RPGR: variants seen among roughly 807,000 people sequenced by gnomAD.
The protein encoded by RPGR is X-linked retinitis pigmentosa GTPase regulator.
Under a neutral mutation model 56.3 loss-of-function variants are expected in RPGR, and 10 were observed. That is an observed-to-expected ratio of 0.18 (90% CI 0.11 to 0.30). The LOEUF is 0.30. Among genes scored for constraint, RPGR ranks in the 10% least tolerant of loss-of-function variants. The probability of loss-of-function intolerance (pLI) is 1.00; values close to 1 mark genes in which losing one functional copy is unlikely to be tolerated. For missense variants in RPGR, 538 were observed against 590.9 expected (o/e 0.91, Z 0.93); for synonymous variants, 197 against 212.9 (o/e 0.93, Z 0.65).
rs376555673 is a variant in RPGR at position 38,318,800 on chromosome X, T to C, written c.469+29A>G. ...TATTGATCTACAGGAAAGGAATGTG[T>C]CCCAGACTGAAAAAGAAACAAGTCT... On this transcript the variant is annotated intron_variant, in intron 5 of 18. Coordinates refer to ENST00000642395, the MANE Select transcript of RPGR (RefSeq NM_000328.3). 3.5e-5 allele frequency: 42 copies of C among 1,205,756 alleles called. No homozygotes were observed. The East Asian group carries it at 6.5e-4, about 19-fold the overall frequency.
chrX:38,302,149 T>C (rs1041612217), intron 8 of RPGR, among the ~76,000 whole-genome samples: 4 of 112,032 alleles, frequency 3.6e-5, no homozygotes, highest in Non-Finnish European at 7.5e-5. Flanking sequence ...GTTAGTCCTT[T>C]TGCTTACTGC....
Position 38,287,880 on chromosome X carries a change from T to C in RPGR, c.1734A>G (p.Ala578=), listed in dbSNP as rs772015036. 3.3e-6 allele frequency: 4 copies of C among 1,209,115 alleles called. No individual in the cohort carries two copies. In the East Asian group the frequency reaches 1.2e-4, roughly 36 times the overall value. Reference sequence around the variant, plus strand: ...CATTACCTACTTCCTCATCTGAAAATGCTTCGATAGTCGTAGCTGGCTGCG... The same window carrying C: ...CATTACCTACTTCCTCATCTGAAAACGCTTCGATAGTCGTAGCTGGCTGCG... The change falls in exon 14 of 19, where the codon GCA becomes GCG. Residue 578 remains alanine (A), a synonymous_variant. Transcript: ENST00000642395.
intron 7 of RPGR, 141 bp from the exon 8 acceptor site, chrX:38,304,931 A>G (rs1320113248): frequency 1.2e-5 from 6 of 509,971 alleles, no homozygotes; most frequent in Non-Finnish European, 1.7e-5. Flanking sequence ...AAGAATACTT[A>G]ATATTGAAGT....
chrX:38,289,037 C>T (rs1272537341), intron 13 of RPGR, among the ~76,000 whole-genome samples: 2 of 111,022 alleles, frequency 1.8e-5, no homozygotes, highest in East Asian at 2.8e-4. Flanking sequence ...CCATCTTGGC[C>T]GCCCAAAGTG....
intron 6 of RPGR, among the ~76,000 whole-genome samples, chrX:38,314,364 A>G (rs1274065418): frequency 1.8e-5 from 2 of 111,824 alleles, no homozygotes; most frequent in African/African-American, 6.5e-5. Flanking sequence ...ACTTAGGCCT[A>G]TTAATTTTTA....
intron 15 of RPGR, chrX:38,286,755 TTCC>T: frequency 8.6e-7 from 1 of 1,156,942 alleles, no homozygotes; most frequent in Non-Finnish European, 1.2e-6. Context: ...CCTTCTCTTC[TTCC>T]TCTTCTCTGT....
intron 10 of RPGR, chrX:38,298,227 G>A (rs187833443): frequency 5.1e-4 from 107 of 211,690 alleles, no homozygotes; most frequent in Non-Finnish European, 7.8e-4. Context: ...CCAAGATTGC[G>A]CCACTGCACC....
In RPGR at chrX:38,308,700, G is replaced by A. The variant is rs191242580; in HGVS notation, c.778+1915C>T. 6.3e-3 allele frequency among the ~76,000 whole-genome samples: 694 copies of A among 110,649 alleles called. 5 individuals carry two copies. Among genetic ancestry groups the A allele is most frequent in the African/African-American group, 0.021 (648 of 30,519 alleles). ...AAAGTTTAATTTTTAGAATATTTTC[G>A]AAATTATATAAAATTCACTTTTTCA... On this transcript the variant is annotated intron_variant, in intron 7 of 18. Transcript: ENST00000642395.
chrX:38,271,936 T>G (rs929706203), intron 18 of RPGR, among the ~76,000 whole-genome samples: 1 of 112,365 alleles, frequency 8.9e-6, no homozygotes, highest in Non-Finnish European at 1.9e-5. Flanking sequence ...AAGATACTGA[T>G]TTTAAAAGAC....
intron 3 of RPGR, among the ~76,000 whole-genome samples, chrX:38,321,845 A>G (rs151025721): frequency 2.4e-3 from 273 of 111,537 alleles, no homozygotes; most frequent in African/African-American, 8.7e-3. Flanking sequence ...CTATCAGTCA[A>G]AGTTGTTCAT....
chrX:38,312,238 G>C (rs987292836), intron 6 of RPGR, among the ~76,000 whole-genome samples: 2 of 111,621 alleles, frequency 1.8e-5, no homozygotes, highest in African/African-American at 6.5e-5. Context: ...CACAAAAGTG[G>C]TGCCCAGTAA....
chrX:38,285,991 CCTT>C lies in RPGR; in HGVS notation c.1905+1100_1905+1102del, dbSNP rs1555961406. ...TCCCTCCCCTTCTTCCTCTCCCTCT[CCTT>C]CTTCCTCCCCTTCTTCTTCCCCTTC... On this transcript the variant is annotated intron_variant, in intron 15 of 18. Coordinates refer to ENST00000642395, the MANE Select transcript of RPGR (RefSeq NM_000328.3). The C allele has an allele frequency of 7.8e-6, 7 of 902,674 alleles. No individual in the cohort carries two copies. The highest frequency in any genetic ancestry group is 2.6e-5 in the African/African-American group (1 of 38,464). The allele number at this position is 902,674 out of a possible 1,213,427, so 74.4% of individuals were successfully genotyped here. A position where few individuals can be genotyped will look rare whatever the true frequency, so the allele number is the denominator to read the frequency against.
chrX:38,269,957 C>CATGT, intron 18 of RPGR: 1 of 514,664 alleles, frequency 1.9e-6, no homozygotes, highest in Non-Finnish European at 3.3e-6. Flanking sequence ...TGGGGCACCA[C>CATGT]ATGTACTATG....
Position 38,297,350 on chromosome X carries a change from A to G in RPGR, c.1348T>C (p.Cys450Arg), listed in dbSNP as rs794727019. ...CTCTCTTGGAGGTTTCTCTCAGAACATCGTGGAAAGACTGAATTGGGGAGA... is the reference window on the plus strand; with the variant it reads ...CTCTCTTGGAGGTTTCTCTCAGAACGTCGTGGAAAGACTGAATTGGGGAGA... The change falls in exon 11 of 19, where the codon TGT becomes CGT. Residue 450 changes from cysteine to arginine, a missense_variant. Cys to Arg is a radical substitution (Grantham distance 180, BLOSUM62 -3). Around this residue, in one of 2 missense-constraint regions of RPGR, gnomAD observed 357 missense variants for 325.8 expected, o/e 1.10. Transcript: ENST00000642395. 77 of 1,207,753 alleles carry G rather than the reference A, an allele frequency of 6.4e-5. No homozygotes were observed. Among genetic ancestry groups the G allele is most frequent in the Non-Finnish European group, 8.0e-5 (72 of 894,556 alleles).
intron 8 of RPGR, among the ~76,000 whole-genome samples, chrX:38,304,343 A>T (rs760817423): frequency 8.9e-6 from 1 of 112,224 alleles, no homozygotes; most frequent in East Asian, 2.8e-4. Context: ...AAAATGATAT[A>T]ATTTCAAAAA....
At chrX:38,327,203 G>T in intron 1 of RPGR, 137 bp downstream of exon 1, 1 of 578,276 alleles carries the variant, frequency 1.7e-6, no homozygotes, top group Non-Finnish European at 2.6e-6. Context: ...ATTCGCGGGA[G>T]CGCAACCAGC....
intron 5 of RPGR, among the ~76,000 whole-genome samples, chrX:38,318,255 A>G (rs2067863521): frequency 9.0e-6 from 1 of 110,838 alleles, no homozygotes; most frequent in South Asian, 3.8e-4. Context: ...ACTGAGCCTC[A>G]GAGACAACTC....
rs758895741 is a variant in RPGR at position 38,325,338 on chromosome X, C to T, written c.29-1814G>A. Reference sequence around the variant, plus strand: ...TAGCCCTTGTGTGTTCTACTTTTCACACAGAAAAGGTCCCCCTTACACACA... The same window carrying T: ...TAGCCCTTGTGTGTTCTACTTTTCATACAGAAAAGGTCCCCCTTACACACA... On this transcript the variant is annotated intron_variant, in intron 1 of 18. Transcript: ENST00000642395. Among the ~76,000 whole-genome samples the T allele has an allele frequency of 4.5e-5, 5 of 111,423 alleles. No individual in the cohort carries two copies. The East Asian group carries it at 1.4e-3, about 31-fold the overall frequency.
intron 1 of RPGR, 110 bp downstream of exon 1, chrX:38,327,230 G>A: frequency 1.2e-6 from 1 of 802,309 alleles, no homozygotes; most frequent in South Asian, 2.6e-5. Context: ...GCCCCAGTCC[G>A]GCTGCCAAGC....
Sources: allele counts gnomAD v4.1 joint callset (sites outside exome capture counted in the v4.1 genomes callset), GRCh38; gene constraint gnomAD v4.1.1; regional missense constraint gnomAD v4.1.1; transcripts MANE v1.5; gene names NCBI Gene and HGNC (gene_info 2026-07-23, HGNC 2026-07-21).